Variants in CAST observed in about 807,000 individuals in gnomAD.
The protein encoded by CAST is MIR583 host.
In CAST, 76 loss-of-function variants were observed where a neutral mutation model predicts 119.6. The ratio of observed to expected loss-of-function variants is 0.64; its 90% confidence interval spans 0.53 to 0.77. The LOEUF (loss-of-function observed/expected upper bound fraction) is 0.77, where lower values mean the gene tolerates loss of function less well. CAST is among the 30% of genes least tolerant of loss of function. CAST has a pLI of 0.00. For missense variants in CAST, 953 were observed against 946.5 expected (o/e 1.01, Z -0.09); for synonymous variants, 319 against 331.6 (o/e 0.96, Z 0.41).
chr5:96,577,922 A>T (rs1390906576), intron 1 of CAST, among the ~76,000 whole-genome samples: 3 of 152,090 alleles, frequency 2.0e-5, no homozygotes, highest in Non-Finnish European at 4.4e-5. Context: ...ATATTTTTTG[A>T]CATTAATATA....
At chr5:96,041,940 A>T in the CAST span, among the ~76,000 whole-genome samples, 1 of 151,912 alleles carries the variant, frequency 6.6e-6, no homozygotes, top group Admixed American at 6.6e-5. Flanking sequence ...GCAATGGGGG[A>T]TTTGCCTCTC....
chr5:96,003,305 G>A, the CAST span, among the ~76,000 whole-genome samples: 7 of 151,970 alleles, frequency 4.6e-5, no homozygotes, highest in African/African-American at 1.5e-4. Flanking sequence ...TTGGGAGGCC[G>A]AGGAGGGCAG....
the CAST span, among the ~76,000 whole-genome samples, chr5:96,024,730 A>G: frequency 6.6e-6 from 1 of 152,182 alleles, no homozygotes; most frequent in Non-Finnish European, 1.5e-5. Flanking sequence ...GATTAATGCT[A>G]TTTTGTGGGA....
chr5:96,246,376 G>A, the CAST span, among the ~76,000 whole-genome samples: 3 of 151,816 alleles, frequency 2.0e-5, no homozygotes, highest in African/African-American at 7.3e-5. Flanking sequence ...CAGTAGAGAC[G>A]GGGTTTCACT....
At chr5:96,055,332 G>A in the CAST span, among the ~76,000 whole-genome samples, 2 of 151,884 alleles carry the variant, frequency 1.3e-5, no homozygotes, top group Non-Finnish European at 2.9e-5. Flanking sequence ...TATCTTTTTA[G>A]CAGCTGATTA....
chr5:96,458,107 C>G, the CAST span, among the ~76,000 whole-genome samples: 147 of 152,130 alleles, frequency 9.7e-4, no homozygotes, highest in African/African-American at 3.3e-3. Context: ...GTCCAGTCAC[C>G]TATTTTTGTA....
intron 1 of CAST, among the ~76,000 whole-genome samples, chr5:96,547,380 G>A (rs1746037788): frequency 6.6e-6 from 1 of 152,168 alleles, no homozygotes; most frequent in South Asian, 2.1e-4. Context: ...TGCCACTTGT[G>A]TAAGTCCTTG....
chr5:96,337,708 G>C, the CAST span, among the ~76,000 whole-genome samples: 1 of 152,226 alleles, frequency 6.6e-6, no homozygotes, highest in Non-Finnish European at 1.5e-5. Context: ...CCTCCTCCAA[G>C]TTCAAAGCTG....
chr5:96,458,505 C>A, the CAST span, among the ~76,000 whole-genome samples: 5 of 152,094 alleles, frequency 3.3e-5, no homozygotes, highest in Non-Finnish European at 5.9e-5. Context: ...AAGACACAAA[C>A]AAATCTTGCC....
chr5:95,992,444 T>G, the CAST span, among the ~76,000 whole-genome samples: 4 of 151,764 alleles, frequency 2.6e-5, no homozygotes, highest in Non-Finnish European at 5.9e-5. Flanking sequence ...GGGCCTAGTC[T>G]AATCATGAGA....
intron 1 of CAST, among the ~76,000 whole-genome samples, chr5:96,536,281 C>T (rs1443195832): frequency 1.3e-5 from 2 of 152,000 alleles, no homozygotes; most frequent in Non-Finnish European, 2.9e-5. Flanking sequence ...ATCACTTGAA[C>T]CTGAGAGGTG....
the CAST span, among the ~76,000 whole-genome samples, chr5:96,299,988 C>T: frequency 6.6e-6 from 1 of 151,896 alleles, no homozygotes; most frequent in Non-Finnish European, 1.5e-5. Context: ...GTTTGAGTTG[C>T]TTATGTATTT....
At chr5:96,032,382 A>G in the CAST span, among the ~76,000 whole-genome samples, 2 of 152,180 alleles carry the variant, frequency 1.3e-5, no homozygotes. Context: ...TGGAAGCCAA[A>G]AAGATCAGTT....
At chr5:96,428,135 TTTC>T in the CAST span, among the ~76,000 whole-genome samples, 1 of 152,188 alleles carries the variant, frequency 6.6e-6, no homozygotes, top group Non-Finnish European at 1.5e-5. Flanking sequence ...AATTTGTCTT[TTTC>T]TTCTTCTTTT....
the CAST span, among the ~76,000 whole-genome samples, chr5:96,094,175 G>A: frequency 2.6e-5 from 4 of 152,306 alleles, no homozygotes; most frequent in East Asian, 3.9e-4. Flanking sequence ...AGGTGGAAAC[G>A]TATTTAATCT....
At chr5:96,668,015 A>C (rs980658893) in intron 1 of CAST, among the ~76,000 whole-genome samples, 26 of 152,338 alleles carry the variant, frequency 1.7e-4, no homozygotes, top group African/African-American at 5.8e-4. Context: ...ACTCCGTCTC[A>C]ATAAATAAAT....
the CAST span, among the ~76,000 whole-genome samples, chr5:96,377,120 T>C: frequency 1.3e-5 from 2 of 152,036 alleles, no homozygotes; most frequent in Non-Finnish European, 2.9e-5. Flanking sequence ...GCCAACTTAT[T>C]ACAAAAGAGC....
At chr5:96,608,143 C>T (rs1295962993) in intron 1 of CAST, among the ~76,000 whole-genome samples, 1 of 152,164 alleles carries the variant, frequency 6.6e-6, no homozygotes, top group East Asian at 1.9e-4. Flanking sequence ...AGTCTAGTCT[C>T]TACATCTACA....
At chr5:96,634,803 A>G (rs990298307) in intron 1 of CAST, among the ~76,000 whole-genome samples, 2 of 152,242 alleles carry the variant, frequency 1.3e-5, no homozygotes, top group African/African-American at 4.8e-5. Context: ...AAGACTGAAA[A>G]TAAGTTCTCA....
Sources: gnomAD v4.1 joint callset for allele counts (sites outside exome capture counted in the v4.1 genomes callset) on GRCh38, gnomAD v4.1.1 for gene constraint, MANE v1.5 for transcripts, NCBI Gene and HGNC (gene_info 2026-07-23, HGNC 2026-07-21) for gene names.